IST1: variants seen among roughly 807,000 people sequenced by gnomAD.
IST1 encodes IST1 homolog.
Under a neutral mutation model 37.0 loss-of-function variants are expected in IST1, and 23 were observed. That is an observed-to-expected ratio of 0.62 (90% confidence interval 0.45 to 0.88). The LOEUF (loss-of-function observed/expected upper bound fraction) is 0.88, where lower values mean the gene tolerates loss of function less well. IST1 is among the 40% of genes least tolerant of loss of function. The pLI is 0.00. For missense variants in IST1, 488 were observed against 445.4 expected, an observed-to-expected ratio of 1.10 and a Z score of -0.86; for synonymous variants, 180 against 161.7, an observed-to-expected ratio of 1.11 and a Z score of -0.86.
At chr16:71,922,409 T>C (rs2037615232) in intron 6 of IST1, 65 bp from the exon 7 acceptor site, 1 of 1,376,792 alleles carries the variant, frequency 7.3e-7, no homozygotes, top group Non-Finnish European at 1.0e-6. Flanking sequence ...CATCTCAGAC[T>C]CCGCTTTCTG....
intron 4 of IST1, among the ~76,000 whole-genome samples, chr16:71,919,977 G>A (rs1183202658): frequency 1.3e-5 from 2 of 152,122 alleles, no homozygotes; most frequent in African/African-American, 2.4e-5. Flanking sequence ...GAACAATGGC[G>A]AGCGCACACT....
At chr16:71,925,455 A>G (rs139924146) in intron 9 of IST1, among the ~76,000 whole-genome samples, 90 of 151,164 alleles carry the variant, frequency 6.0e-4, no homozygotes, top group Non-Finnish European at 1.1e-3. Context: ...AGCTGGGATT[A>G]TAGGCACACG....
chr16:71,897,642 A>G (rs1349763332), intron 1 of IST1, among the ~76,000 whole-genome samples: 1 of 152,236 alleles, frequency 6.6e-6, no homozygotes, highest in Non-Finnish European at 1.5e-5. Context: ...GAGAATTGGT[A>G]AGAAAATTCT....
chr16:71,930,000 G>A lies in IST1; in HGVS notation c.*2187G>A, dbSNP rs2037872315. 3 of 1,508,220 alleles carry A rather than the reference G, an allele frequency of 2.0e-6. No homozygotes were observed. Among genetic ancestry groups the A allele is most frequent in the Non-Finnish European group, 2.7e-6 (3 of 1,122,962 alleles). 93.4% of individuals were successfully genotyped at this position (1,508,220 alleles called of 1,614,324 possible). A position where few individuals can be genotyped will look rare whatever the true frequency, so the allele number is the denominator to read the frequency against. ...CCGTCATCTTAGGGGCAGTTACAGT[G>A]GAGCTTTCCCAGTGATATAACAGCA... On this transcript the variant is annotated 3_prime_UTR_variant, in exon 10 of 10. Transcript: ENST00000378799.
intron 1 of IST1, among the ~76,000 whole-genome samples, chr16:71,899,849 C>G (rs1398810251): frequency 6.6e-6 from 1 of 152,116 alleles, no homozygotes; most frequent in African/African-American, 2.4e-5. Context: ...CGGTGAAACC[C>G]TGTCTCTACT....
intron 4 of IST1, among the ~76,000 whole-genome samples, chr16:71,918,322 A>G (rs1392255732): frequency 6.6e-6 from 1 of 152,066 alleles, no homozygotes; most frequent in East Asian, 1.9e-4. Context: ...CCCCCAGAGA[A>G]TAAACTTCCA....
intron 1 of IST1, among the ~76,000 whole-genome samples, chr16:71,897,592 T>C (rs2037002393): frequency 6.6e-6 from 1 of 152,226 alleles, no homozygotes; most frequent in South Asian, 2.1e-4. Context: ...TGAACACTTA[T>C]TTCAGCATTA....
chr16:71,909,765 C>A (rs2037310702), intron 1 of IST1, among the ~76,000 whole-genome samples: 1 of 152,156 alleles, frequency 6.6e-6, no homozygotes. Context: ...TTAGGTTATC[C>A]TTCTCTTAGA....
chr16:71,903,321 T>A (rs1159556266), intron 1 of IST1: 1 of 152,164 alleles, frequency 6.6e-6, no homozygotes, highest in East Asian at 1.9e-4. Context: ...TAATTTTTTC[T>A]CTAAGCACTG....
At position 71,928,058 on chromosome 16, in the gene IST1, TGTCA is replaced by T. The variant is rs1435853364; in HGVS notation, c.*247_*250del. ...CTGGCAGCTGTGCTTGTCCGTTTCC[TGTCA>T]GAGTGATCCCAGGTTTCCTCCTGGC... On this transcript the variant is annotated 3_prime_UTR_variant, in exon 10 of 10. Transcript: ENST00000378799. 1.1e-5 allele frequency: 5 copies of T among 471,758 alleles called. No individual in the cohort carries two copies. Among genetic ancestry groups the T allele is most frequent in the Non-Finnish European group, 1.9e-5 (5 of 257,358 alleles). 29.2% of individuals were successfully genotyped at this position (471,758 alleles called of 1,614,324 possible).
Position 71,929,640 on chromosome 16 carries a change from G to C in IST1, c.*1827G>C. The C allele has an allele frequency of 6.4e-7, 1 of 1,551,836 alleles. No individual in the cohort carries two copies. The highest frequency in any genetic ancestry group is 8.7e-7 in the Non-Finnish European group (1 of 1,146,892). ...GCCAACTGATTCCTAACAAATTTGA[G>C]AGCTTCTGTAGCAGTGTATCTATTA... On this transcript the variant is annotated 3_prime_UTR_variant, in exon 10 of 10. Transcript: ENST00000378799.
chr16:71,899,291 T>C (rs1371093461), intron 1 of IST1, among the ~76,000 whole-genome samples: 6 of 152,104 alleles, frequency 3.9e-5, no homozygotes, highest in Non-Finnish European at 7.4e-5. Context: ...TCTAAAGGAA[T>C]TGGACCACCA....
intron 1 of IST1, among the ~76,000 whole-genome samples, chr16:71,909,444 C>A (rs2037302946): frequency 1.3e-5 from 2 of 152,140 alleles, no homozygotes; most frequent in South Asian, 4.1e-4. Context: ...CATTCTTCTA[C>A]TTCCTTACTA....
chr16:71,923,782 C>G (rs532137485), intron 8 of IST1, among the ~76,000 whole-genome samples: 4 of 152,154 alleles, frequency 2.6e-5, no homozygotes, highest in Admixed American at 2.0e-4. Context: ...GGAAGAGTGA[C>G]CAGATTGATC....
At chr16:71,916,881 C>G (rs1028749847) in intron 3 of IST1, among the ~76,000 whole-genome samples, 166 bp from the exon 4 acceptor site, 1 of 152,024 alleles carries the variant, frequency 6.6e-6, no homozygotes, top group African/African-American at 2.4e-5. Flanking sequence ...TTGAGTTCCT[C>G]CAAAAGTAAA....
intron 1 of IST1, among the ~76,000 whole-genome samples, chr16:71,902,476 G>A (rs1386917844): frequency 6.6e-6 from 1 of 152,266 alleles, no homozygotes; most frequent in African/African-American, 2.4e-5. Context: ...CACCATGTTG[G>A]CCAACCTGGT....
At position 71,929,561 on chromosome 16, in the gene IST1, C is replaced by G; in HGVS notation, c.*1748C>G. 6.4e-7 allele frequency: 1 copy of G among 1,551,106 alleles called. No individual in the cohort carries two copies. Among genetic ancestry groups the G allele is most frequent in the African/African-American group, 1.4e-5 (1 of 73,122 alleles). Reference sequence around the variant, plus strand: ...GATTAAGGTAGTTCATCTAAAACTTCAGTGTCACTGCCCACTGCTGTCGTG... The same window carrying G: ...GATTAAGGTAGTTCATCTAAAACTTGAGTGTCACTGCCCACTGCTGTCGTG... On this transcript the variant is annotated 3_prime_UTR_variant, in exon 10 of 10. Coordinates refer to ENST00000378799, the MANE Select transcript of IST1 (RefSeq NM_001270975.2).
In IST1 at chr16:71,916,449, A is replaced by G. The variant is rs750782082; in HGVS notation, c.89-13A>G. ...TCTACTGCTGTGAGATCGGAGTGGG[A>G]TTTGTGTCTTAGCGGAACTGGCCCA... On this transcript the variant is annotated splice_polypyrimidine_tract_variant and intron_variant, in intron 2 of 9. Transcript: ENST00000378799. 3.1e-6 allele frequency: 5 copies of G among 1,611,278 alleles called. No individual in the cohort carries two copies. The highest frequency in any genetic ancestry group is 4.2e-6 in the Non-Finnish European group (5 of 1,179,388).
chr16:71,929,847 CTA>C lies in IST1; in HGVS notation c.*2036_*2037del. ...GTTTCCACTAATGGTTGCGAGCCAA[CTA>C]TTTATAGGACAATGGCTATAGAATA... On this transcript the variant is annotated 3_prime_UTR_variant, in exon 10 of 10. Coordinates refer to ENST00000378799, the MANE Select transcript of IST1 (RefSeq NM_001270975.2). 1 of 956,830 alleles carries C rather than the reference CTA, an allele frequency of 1.0e-6. No individual in the cohort carries two copies. Among genetic ancestry groups the C allele is most frequent in the Non-Finnish European group, 1.5e-6 (1 of 660,278 alleles). 59.3% of individuals were successfully genotyped at this position (956,830 alleles called of 1,614,324 possible).
Sources: gnomAD v4.1 joint callset for allele counts (sites outside exome capture counted in the v4.1 genomes callset) on GRCh38, gnomAD v4.1.1 for gene constraint, MANE v1.5 for transcripts, NCBI Gene and HGNC (gene_info 2026-07-23, HGNC 2026-07-21) for gene names.